Variants in ELAVL2 observed in about 807,000 individuals in gnomAD.
ELAVL2 encodes ELAV like RNA binding protein 2.
In ELAVL2, 4 loss-of-function variants were observed where a neutral mutation model predicts 34.6. The ratio of observed to expected loss-of-function variants is 0.12; its 90% CI spans 0.06 to 0.26. The LOEUF (loss-of-function observed/expected upper bound fraction) is 0.26, where lower values mean the gene tolerates loss of function less well. Among genes scored for constraint, ELAVL2 ranks in the 10% least tolerant of loss-of-function variants. ELAVL2 has a pLI of 1.00. For missense variants in ELAVL2, 432 were observed against 442.8 expected (o/e 0.98, Z 0.22); for synonymous variants, 193 against 154.8 (o/e 1.25, Z -1.83).
chr9:23,729,888 T>C (rs1240975287), intron 3 of ELAVL2, among the ~76,000 whole-genome samples: 1 of 151,820 alleles, frequency 6.6e-6, no homozygotes, highest in Non-Finnish European at 1.5e-5. Context: ...CTGAAAAAAA[T>C]GAGCAAAAAT....
intron 1 of ELAVL2, chr9:23,765,203 T>A: frequency 9.9e-7 from 1 of 1,007,432 alleles, no homozygotes; most frequent in South Asian, 1.7e-5. Context: ...TCCCAGCACG[T>A]CCATGCAGTG....
In ELAVL2 at chr9:23,693,483, C is replaced by T; in HGVS notation, c.717G>A (p.Leu239=). 6.2e-7 allele frequency: 1 copy of T among 1,614,064 alleles called. No individual in the cohort carries two copies. The highest frequency in any genetic ancestry group is 8.5e-7 in the Non-Finnish European group (1 of 1,179,956). The change falls in exon 6 of 7, where the codon TTG becomes TTA. Residue 239 remains leucine (L), a synonymous_variant. Transcript: ENST00000397312. ...CATAAGCCATATTGAGCAGATTGTC[C>T]AACCTGCAAAACACACATTTAGCAA... is the stretch of plus-strand genomic sequence containing the variant. ...PLAQQAQRFR[L]DNLLNMAYGV...
intron 3 of ELAVL2, among the ~76,000 whole-genome samples, chr9:23,726,760 C>T (rs957822959): frequency 2.0e-5 from 3 of 152,036 alleles, no homozygotes; most frequent in African/African-American, 4.8e-5. Flanking sequence ...ACACCGTTAA[C>T]CTAACAAGTC....
At chr9:23,759,789 T>A (rs180861134) in intron 2 of ELAVL2, among the ~76,000 whole-genome samples, 2,261 of 106,242 alleles carry the variant, frequency 0.021, 44 homozygotes, top group Non-Finnish European at 0.031. Context: ...TATATATATA[T>A]AATGTATAGA....
intron 1 of ELAVL2, among the ~76,000 whole-genome samples, chr9:23,785,838 G>A (rs2059612583): frequency 6.6e-6 from 1 of 152,188 alleles, no homozygotes; most frequent in African/African-American, 2.4e-5. Flanking sequence ...TAGAGGAAGA[G>A]ACACTGGGTC....
chr9:23,720,861 C>A (rs888838403), intron 3 of ELAVL2, among the ~76,000 whole-genome samples: 1 of 152,170 alleles, frequency 6.6e-6, no homozygotes, highest in African/African-American at 2.4e-5. Flanking sequence ...TGTTGAAATA[C>A]AATTTCCTCA....
chr9:23,734,033 C>G (rs1297574264), intron 2 of ELAVL2, among the ~76,000 whole-genome samples: 2 of 152,222 alleles, frequency 1.3e-5, no homozygotes, highest in Middle Eastern at 3.4e-3. Flanking sequence ...AGGATGAGTG[C>G]CACTCAGAAT....
chr9:23,806,362 G>A (rs2062219538), intron 1 of ELAVL2, among the ~76,000 whole-genome samples: 1 of 152,100 alleles, frequency 6.6e-6, no homozygotes, highest in Non-Finnish European at 1.5e-5. Flanking sequence ...CTAGCCAGGT[G>A]AGGTGGCTCA....
rs369175751 is a variant in ELAVL2 at position 23,790,558 on chromosome 9, G to A, written c.-15-28309C>T. 2.6e-4 allele frequency among the ~76,000 whole-genome samples: 40 copies of A among 152,210 alleles called. No individual in the cohort carries two copies. The South Asian group carries it at 7.9e-3, about 30-fold the overall frequency. ...CTCATCTGTCACCATAAAGCTCAAC[G>A]TAAAGAAAGCTAAAAGGCTCACTGC... On this transcript the variant is annotated intron_variant, in intron 1 of 6. Coordinates refer to ENST00000397312, the MANE Select transcript of ELAVL2 (RefSeq NM_004432.5).
chr9:23,695,192 A>G (rs2034708913), intron 5 of ELAVL2, among the ~76,000 whole-genome samples: 1 of 152,218 alleles, frequency 6.6e-6, no homozygotes, highest in East Asian at 1.9e-4. Flanking sequence ...CACCAATCAT[A>G]AAGTAACAAT....
At chr9:23,734,235 T>G (rs528132235) in intron 2 of ELAVL2, among the ~76,000 whole-genome samples, 1 of 152,302 alleles carries the variant, frequency 6.6e-6, no homozygotes, top group South Asian at 2.1e-4. Flanking sequence ...CAAATATTTA[T>G]TGGATGTTTA....
chr9:23,825,472 C>A (rs1211217027), intron 1 of ELAVL2, among the ~76,000 whole-genome samples: 1 of 152,186 alleles, frequency 6.6e-6, no homozygotes, highest in African/African-American at 2.4e-5. Flanking sequence ...ATCCCCAACA[C>A]CCAAGTTATC....
At chr9:23,744,473 C>T (rs2050029465) in intron 2 of ELAVL2, among the ~76,000 whole-genome samples, 1 of 152,114 alleles carries the variant, frequency 6.6e-6, no homozygotes, top group South Asian at 2.1e-4. Context: ...ATATTATAAA[C>T]TAATCTCCTT....
chr9:23,823,072 T>G (rs1304748170), intron 1 of ELAVL2, among the ~76,000 whole-genome samples: 1 of 152,044 alleles, frequency 6.6e-6, no homozygotes, highest in Non-Finnish European at 1.5e-5. Context: ...CCTTAATTTG[T>G]GCGACCCAGT....
At chr9:23,760,276 T>C (rs768707514) in intron 2 of ELAVL2, among the ~76,000 whole-genome samples, 4 of 152,024 alleles carry the variant, frequency 2.6e-5, no homozygotes, top group Non-Finnish European at 4.4e-5. Flanking sequence ...TATAAAATGA[T>C]AAAATGTATC....
chr9:23,828,610 T>G (rs1207125281), upstream of ELAVL2, among the ~76,000 whole-genome samples: 3 of 152,162 alleles, frequency 2.0e-5, no homozygotes, highest in Non-Finnish European at 4.4e-5. Flanking sequence ...TTCTGTAGAT[T>G]CAGTATTTAT....
intron 3 of ELAVL2, among the ~76,000 whole-genome samples, chr9:23,714,949 G>A (rs989696384): frequency 7.9e-5 from 12 of 152,128 alleles, no homozygotes; most frequent in Non-Finnish European, 1.6e-4. Context: ...TCAGTATTTT[G>A]AGCCTTCTTA....
At chr9:23,781,975 C>A (rs1367205092) in intron 1 of ELAVL2, among the ~76,000 whole-genome samples, 1 of 151,988 alleles carries the variant, frequency 6.6e-6, no homozygotes, top group Non-Finnish European at 1.5e-5. Flanking sequence ...TGAGCCACCG[C>A]GCCTGGCTAA....
chr9:23,784,980 A>G (rs751240519), intron 1 of ELAVL2, among the ~76,000 whole-genome samples: 4 of 152,216 alleles, frequency 2.6e-5, no homozygotes, highest in Non-Finnish European at 4.4e-5. Context: ...AATATATTCA[A>G]TTTCTCTTGT....
Sources: gnomAD v4.1 joint callset for allele counts (sites outside exome capture counted in the v4.1 genomes callset) on GRCh38, gnomAD v4.1.1 for gene constraint, MANE v1.5 for transcripts, NCBI Gene and HGNC (gene_info 2026-07-23, HGNC 2026-07-21) for gene names.